The following RIT2 variants were observed in gnomAD, a reference collection of about 807,000 sequenced individuals.
RIT2 encodes the protein Ras like without CAAX 2.
RIT2 carries 24 observed loss-of-function variants against 23.7 expected under a neutral mutation model. The observed-to-expected ratio is 1.01, with a 90% CI of 0.73 to 1.43. The LOEUF is 1.43. RIT2 is among the 40% of genes most tolerant of loss of function. The probability of loss-of-function intolerance (pLI) is 0.00; values close to 1 mark genes in which losing one functional copy is unlikely to be tolerated. For missense variants in RIT2, 236 were observed against 266.9 expected, an observed-to-expected ratio of 0.88 and a Z score of 0.81; for synonymous variants, 107 against 91.1, an observed-to-expected ratio of 1.17 and a Z score of -0.99.
At chr18:42,995,808 T>G (rs1016365186) in intron 2 of RIT2, among the ~76,000 whole-genome samples, 3 of 152,098 alleles carry the variant, frequency 2.0e-5, no homozygotes, top group African/African-American at 7.2e-5. Context: ...CCAGACCAAC[T>G]TGGACTGTGT....
intron 1 of RIT2, among the ~76,000 whole-genome samples, chr18:43,063,362 C>T (rs1396802105): frequency 6.6e-6 from 1 of 152,100 alleles, no homozygotes; most frequent in Non-Finnish European, 1.5e-5. Flanking sequence ...TTACTTGGCT[C>T]CATTGGTGAC....
In RIT2 at chr18:43,100,319, C is replaced by T. The variant is rs1201760152; in HGVS notation, c.103+15098G>A. On this transcript the variant is annotated intron_variant, in intron 1 of 4. Coordinates refer to ENST00000326695, the MANE Select transcript of RIT2 (RefSeq NM_002930.4). ...CAAAGACCCTAAAAGGGAAGTGTGC[C>T]TGTCTGGCATATTTTAGGAACAGCA... 5.3e-5 allele frequency among the ~76,000 whole-genome samples: 8 copies of T among 152,086 alleles called. No homozygotes were observed. The East Asian group carries it at 1.4e-3, about 26-fold the overall frequency.
intron 4 of RIT2, among the ~76,000 whole-genome samples, chr18:42,898,124 G>A (rs1398402622): frequency 3.3e-5 from 5 of 152,266 alleles, no homozygotes; most frequent in African/African-American, 9.6e-5. Context: ...GTGGGCGGCC[G>A]GGCACAATGG....
intron 4 of RIT2, among the ~76,000 whole-genome samples, chr18:42,851,949 T>C (rs1907065592): frequency 6.6e-6 from 1 of 152,180 alleles, no homozygotes; most frequent in Non-Finnish European, 1.5e-5. Flanking sequence ...AGGCGACAGT[T>C]TGCAGGATAC....
intron 1 of RIT2, among the ~76,000 whole-genome samples, chr18:43,062,335 A>T (rs1912667480): frequency 6.6e-6 from 1 of 152,136 alleles, no homozygotes; most frequent in Non-Finnish European, 1.5e-5. Context: ...ATTCCTTAAG[A>T]TGGGCAGCTG....
chr18:42,780,484 T>G (rs1913785663), intron 4 of RIT2, among the ~76,000 whole-genome samples: 1 of 152,122 alleles, frequency 6.6e-6, no homozygotes, highest in African/African-American at 2.4e-5. Context: ...TCAGACTCTC[T>G]GGAAAAGACC....
chr18:42,954,361 T>G, intron 3 of RIT2, among the ~76,000 whole-genome samples: 2 of 131,078 alleles, frequency 1.5e-5, no homozygotes, highest in African/African-American at 3.1e-5. Context: ...AGGCAATGAG[T>G]GAATTTCCAA....
intron 4 of RIT2, among the ~76,000 whole-genome samples, chr18:42,852,769 C>T: frequency 7.1e-6 from 1 of 140,736 alleles, no homozygotes; most frequent in African/African-American, 2.6e-5. Flanking sequence ...TCTTCCCTCC[C>T]TCCCTCCCTC....
At chr18:43,028,437 C>A (rs1255747550) in intron 2 of RIT2, among the ~76,000 whole-genome samples, 3 of 151,900 alleles carry the variant, frequency 2.0e-5, no homozygotes, top group South Asian at 2.1e-4. Context: ...GCATAGCAAG[C>A]AAGAAGTTGT....
intron 4 of RIT2, among the ~76,000 whole-genome samples, chr18:42,761,650 A>G (rs369609693): frequency 6.6e-6 from 1 of 152,200 alleles, no homozygotes; most frequent in East Asian, 1.9e-4. Context: ...TGAGTATCAA[A>G]GCAACCTGAA....
chr18:42,923,616 G>C lies in RIT2; in HGVS notation c.382C>G (p.Leu128Val). The change falls in exon 4 of 5, where the codon CTG (leucine) becomes GTG (valine). Residue 128 changes from leucine (L) to valine (V), a missense_variant. Transcript: ENST00000326695. Reference protein sequence around the residue: ...FQVRHTYEIPLVLVGNKIDLE... With the variant: ...FQVRHTYEIPVVLVGNKIDLE... Reference sequence around the variant, plus strand: ...TCAATTTTGTTACCCACCAGCACCAGGGGAATTTCATAGGTGTGGCGGACC... The same window carrying C: ...TCAATTTTGTTACCCACCAGCACCACGGGAATTTCATAGGTGTGGCGGACC... The C allele has an allele frequency of 6.2e-7, 1 of 1,613,400 alleles. No individual in the cohort carries two copies.
At chr18:42,794,300 G>C (rs1567997847) in intron 4 of RIT2, among the ~76,000 whole-genome samples, 1 of 152,106 alleles carries the variant, frequency 6.6e-6, no homozygotes. Flanking sequence ...CCCTGACTTA[G>C]TAGCATCAGA....
At chr18:42,788,085 CATAA>C (rs1913962183) in intron 4 of RIT2, among the ~76,000 whole-genome samples, 1 of 151,742 alleles carries the variant, frequency 6.6e-6, no homozygotes. Flanking sequence ...TATATGTTAA[CATAA>C]ATAACTTTTG....
intron 2 of RIT2, among the ~76,000 whole-genome samples, chr18:43,033,104 GTAC>G (rs1911896299): frequency 6.6e-6 from 1 of 152,152 alleles, no homozygotes; most frequent in Non-Finnish European, 1.5e-5. Flanking sequence ...CTGACAAAGA[GTAC>G]TACGGTGGAC....
chr18:42,894,295 A>C (rs1908262964), intron 4 of RIT2, among the ~76,000 whole-genome samples: 1 of 152,206 alleles, frequency 6.6e-6, no homozygotes. Flanking sequence ...TTGGAGACCA[A>C]ATTCTAGCAG....
At chr18:42,956,648 T>A (rs1322524384) in intron 3 of RIT2, among the ~76,000 whole-genome samples, 1 of 152,118 alleles carries the variant, frequency 6.6e-6, no homozygotes, top group African/African-American at 2.4e-5. Context: ...AGCAGTACCA[T>A]CAATGGGCAA....
intron 4 of RIT2, among the ~76,000 whole-genome samples, chr18:42,901,273 G>T (rs1207808684): frequency 6.6e-6 from 1 of 151,932 alleles, no homozygotes; most frequent in African/African-American, 2.4e-5. Flanking sequence ...TTGTTGCCTT[G>T]GATTAAAGCA....
intron 4 of RIT2, among the ~76,000 whole-genome samples, chr18:42,779,402 C>A (rs549025583): frequency 1.3e-5 from 2 of 152,268 alleles, no homozygotes; most frequent in Admixed American, 1.3e-4. Flanking sequence ...ATAACCTGAT[C>A]ACATGGAGAA....
In RIT2 at chr18:42,968,043, T is replaced by C. The variant is rs540505044; in HGVS notation, c.234+6031A>G. Among the ~76,000 whole-genome samples, 7 of 152,294 alleles carry C rather than the reference T, an allele frequency of 4.6e-5. No individual in the cohort carries two copies. In the South Asian group the frequency reaches 1.5e-3, roughly 32 times the overall value. On this transcript the variant is annotated intron_variant, in intron 3 of 4. Coordinates refer to ENST00000326695, the MANE Select transcript of RIT2 (RefSeq NM_002930.4). Reference sequence around the variant, plus strand: ...AACGAGAACATGATAGTCTCCCATGTCGTGAAAGGGTTTATAAACAATGTA... The same window carrying C: ...AACGAGAACATGATAGTCTCCCATGCCGTGAAAGGGTTTATAAACAATGTA...
Sources: allele counts gnomAD v4.1 joint callset (sites outside exome capture counted in the v4.1 genomes callset), GRCh38; gene constraint gnomAD v4.1.1; transcripts MANE v1.5; gene names NCBI Gene and HGNC (gene_info 2026-07-23, HGNC 2026-07-21).